Variants in MICAL2 observed in about 807,000 individuals in gnomAD.
MICAL2 encodes microtubule associated monooxygenase, calponin and LIM domain containing 2.
Under a neutral mutation model 127.3 loss-of-function variants are expected in MICAL2, and 77 were observed. The observed-to-expected ratio is 0.60, with a 90% CI of 0.50 to 0.73. The LOEUF (loss-of-function observed/expected upper bound fraction) is 0.73, where lower values mean the gene tolerates loss of function less well. MICAL2 is among the 30% of genes least tolerant of loss of function. The pLI, the probability that MICAL2 is intolerant of heterozygous loss-of-function variation, is 0.00. For missense variants in MICAL2, 1,351 were observed against 1,434.4 expected (o/e 0.94, Z 0.94); for synonymous variants, 570 against 551.1 (o/e 1.03, Z -0.48).
downstream of MICAL2, among the ~76,000 whole-genome samples, chr11:12,290,801 G>A (rs903265480): frequency 3.9e-5 from 6 of 152,184 alleles, no homozygotes; most frequent in Admixed American, 6.5e-5. Flanking sequence ...ACACACAGTC[G>A]CACATGTTCG....
intron 32 of MICAL2, among the ~76,000 whole-genome samples, chr11:12,338,822 C>G (rs1278690707): frequency 6.6e-6 from 1 of 152,184 alleles, no homozygotes; most frequent in African/African-American, 2.4e-5. Flanking sequence ...GCGGAGAGAT[C>G]AGCTGTTTGT....
At position 12,256,775 on chromosome 11, in the gene MICAL2, C is replaced by A; in HGVS notation, c.2956-10C>A. ...CCATAATACACCCACTCTTCTCTCC[C>A]GATCCCCAGGAATCTATGCGAAAGT... On this transcript the variant is annotated splice_polypyrimidine_tract_variant and intron_variant, in intron 23 of 27. Coordinates refer to ENST00000683283, the MANE Select transcript of MICAL2 (RefSeq NM_001282663.2). 1 of 1,601,896 alleles carries A rather than the reference C, an allele frequency of 6.2e-7. No individual in the cohort carries two copies. Among genetic ancestry groups the A allele is most frequent in the South Asian group, 1.1e-5 (1 of 88,850 alleles).
At chr11:12,150,333 A>C (rs573410558) in intron 2 of MICAL2, among the ~76,000 whole-genome samples, 1 of 152,302 alleles carries the variant, frequency 6.6e-6, no homozygotes, top group African/African-American at 2.4e-5. Context: ...ACAGTTCTTC[A>C]GAACAGGGAG....
At chr11:12,118,148 T>C (rs894642768) in intron 1 of MICAL2, among the ~76,000 whole-genome samples, 1 of 152,194 alleles carries the variant, frequency 6.6e-6, no homozygotes, top group Non-Finnish European at 1.5e-5. Context: ...GTGTTGGTTA[T>C]CTTGTATCTT....
chr11:12,240,524 A>G (rs1319303114), intron 17 of MICAL2, among the ~76,000 whole-genome samples: 1 of 152,188 alleles, frequency 6.6e-6, no homozygotes, highest in African/African-American at 2.4e-5. Flanking sequence ...GAATTTTATT[A>G]TAAGGGGGCC....
At chr11:12,238,297 G>A (rs779282806) in intron 16 of MICAL2, among the ~76,000 whole-genome samples, 9 of 152,198 alleles carry the variant, frequency 5.9e-5, no homozygotes, top group East Asian at 1.9e-4. Context: ...GGGAACAGAC[G>A]TTCTTAGTAA....
chr11:12,269,936 A>G (rs922568491), intron 24 of MICAL2, among the ~76,000 whole-genome samples: 3 of 152,164 alleles, frequency 2.0e-5, no homozygotes, highest in East Asian at 1.9e-4. Context: ...TTGCCCATCA[A>G]TTGGTTCACC....
chr11:12,324,972 G>A (rs1216435848), intron 31 of MICAL2, among the ~76,000 whole-genome samples: 1 of 152,108 alleles, frequency 6.6e-6, no homozygotes, highest in Non-Finnish European at 1.5e-5. Context: ...GGCAAACTAG[G>A]CAATGCCTCT....
rs143787968 is a variant in MICAL2 at position 12,260,835 on chromosome 11, T to C, written c.3334+938T>C. Reference sequence around the variant, plus strand: ...TGATGTTAAACAGTAGCTTAAAGGCTTTCCCCCCCATACCAACTCACAGCC... The same window carrying C: ...TGATGTTAAACAGTAGCTTAAAGGCCTTCCCCCCCATACCAACTCACAGCC... On this transcript the variant is annotated intron_variant, in intron 26 of 27. Transcript: ENST00000683283. 1,068 of 985,180 alleles carry C rather than the reference T, an allele frequency of 1.1e-3. 9 individuals are homozygous for C. The African/African-American group carries it at 0.011, about 10-fold the overall frequency. The allele number at this position is 985,180 out of a possible 1,614,324, so 61.0% of individuals were successfully genotyped here.
At chr11:12,267,526 G>A (rs1171604680), downstream of MICAL2, among the ~76,000 whole-genome samples, 2 of 152,056 alleles carry the variant, frequency 1.3e-5, no homozygotes, top group East Asian at 1.9e-4. Context: ...TGTCATCCAA[G>A]TTATTGCAGC....
intron 24 of MICAL2, 115 bp downstream of exon 24, chr11:12,257,086 G>A: frequency 8.8e-7 from 1 of 1,141,008 alleles, no homozygotes; most frequent in Non-Finnish European, 1.2e-6. Context: ...CCAAAAGGAA[G>A]TATGATGTCA....
intron 3 of MICAL2, among the ~76,000 whole-genome samples, chr11:12,171,376 A>G (rs1856233620): frequency 6.6e-6 from 1 of 152,222 alleles, no homozygotes; most frequent in East Asian, 1.9e-4. Context: ...TCTCCTTCCC[A>G]GACTAAAAGG....
intron 2 of MICAL2, among the ~76,000 whole-genome samples, chr11:12,139,713 G>T (rs1852165176): frequency 1.3e-5 from 2 of 152,214 alleles, no homozygotes; most frequent in Admixed American, 1.3e-4. Context: ...CACAGCCTGA[G>T]AAACTGTCCC....
At chr11:12,226,656 T>G (rs1017346553) in intron 14 of MICAL2, among the ~76,000 whole-genome samples, 7 of 148,298 alleles carry the variant, frequency 4.7e-5, no homozygotes, top group Non-Finnish European at 7.5e-5. Flanking sequence ...TTTTGGTTTT[T>G]TTTTTTTTTT....
intron 17 of MICAL2, among the ~76,000 whole-genome samples, chr11:12,240,719 CTAG>C (rs1342013464): frequency 2.0e-5 from 3 of 152,226 alleles, no homozygotes; most frequent in East Asian, 1.9e-4. Context: ...CCACCCTGGC[CTAG>C]CCACCCTGGC....
intron 22 of MICAL2, chr11:12,250,202 A>G (rs1861357119): frequency 6.6e-6 from 1 of 152,214 alleles, no homozygotes; most frequent in Admixed American, 6.5e-5. Context: ...GTGATTTAAG[A>G]CAAGAGAGAA....
At chr11:12,120,091 C>T (rs983262116) in intron 1 of MICAL2, among the ~76,000 whole-genome samples, 12 of 152,170 alleles carry the variant, frequency 7.9e-5, no homozygotes, top group East Asian at 3.9e-4. Context: ...ATGCTGTGTA[C>T]GCTTGTAGCA....
chr11:12,258,236 G>GC (rs1224129697), intron 24 of MICAL2, among the ~76,000 whole-genome samples: 2 of 152,240 alleles, frequency 1.3e-5, no homozygotes, highest in East Asian at 3.9e-4. Flanking sequence ...ATCCCCGGGA[G>GC]CCCCCCATTG....
At chr11:12,161,860 A>T (rs1854839910) in intron 2 of MICAL2, 1 of 434,678 alleles carries the variant, frequency 2.3e-6, no homozygotes, top group Non-Finnish European at 4.2e-6. Context: ...CAGCAAGAGG[A>T]GCAGAGCATA....
Sources: allele counts gnomAD v4.1 joint callset (sites outside exome capture counted in the v4.1 genomes callset), GRCh38; gene constraint gnomAD v4.1.1; transcripts MANE v1.5; gene names NCBI Gene and HGNC (gene_info 2026-07-23, HGNC 2026-07-21).